The following FOXP2 variants were observed in gnomAD, a reference collection of about 807,000 sequenced individuals.
FOXP2 encodes the protein forkhead box protein P2.
FOXP2 carries 12 observed loss-of-function variants against 115.8 expected under a neutral mutation model. That is an observed-to-expected ratio of 0.10 (90% confidence interval 0.07 to 0.17). FOXP2 has a LOEUF of 0.17. Ranked by LOEUF, FOXP2 falls within the 10% of genes least tolerant of loss-of-function variation. The probability of loss-of-function intolerance (pLI) is 1.00; values close to 1 mark genes in which losing one functional copy is unlikely to be tolerated. For synonymous variants in FOXP2, 328 were observed against 297.7 expected (o/e 1.10, Z -1.05); for missense variants, 629 against 843.5 (o/e 0.75, Z 3.15).
At chr7:114,454,298 G>T (rs1795195833) in intron 2 of FOXP2, among the ~76,000 whole-genome samples, 2 of 152,134 alleles carry the variant, frequency 1.3e-5, no homozygotes, top group African/African-American at 4.8e-5. Context: ...TCAGAGAAAT[G>T]CAAATCAAAA....
At chr7:114,100,696 C>A (rs890099229) in intron 1 of FOXP2, among the ~76,000 whole-genome samples, 9 of 152,042 alleles carry the variant, frequency 5.9e-5, no homozygotes, top group African/African-American at 1.4e-4. Flanking sequence ...AAGAATAGAG[C>A]CTTTTTCATT....
intron 2 of FOXP2, among the ~76,000 whole-genome samples, chr7:114,383,894 G>A (rs1433276981): frequency 6.6e-6 from 1 of 152,178 alleles, no homozygotes; most frequent in Non-Finnish European, 1.5e-5. Flanking sequence ...TTTCCAGGGT[G>A]CGTAACCACC....
At chr7:114,582,812 C>CT (rs1563014683) in intron 3 of FOXP2, among the ~76,000 whole-genome samples, 1 of 152,070 alleles carries the variant, frequency 6.6e-6, no homozygotes, top group African/African-American at 2.4e-5. Context: ...ATGATAGTTT[C>CT]TTTTTTACTG....
chr7:114,111,133 C>A (rs1373718784), intron 1 of FOXP2, among the ~76,000 whole-genome samples: 2 of 152,108 alleles, frequency 1.3e-5, no homozygotes, highest in African/African-American at 4.8e-5. Flanking sequence ...ATCAATCACA[C>A]CTCCCAGTAT....
chr7:114,511,925 A>G (rs183452519), intron 2 of FOXP2, among the ~76,000 whole-genome samples: 68 of 152,284 alleles, frequency 4.5e-4, no homozygotes, highest in Middle Eastern at 3.4e-3. Context: ...GGCTTAAAAT[A>G]CTAGTTTCTA....
intron 1 of FOXP2, among the ~76,000 whole-genome samples, chr7:114,245,819 CAG>C (rs1795268605): frequency 6.6e-6 from 1 of 151,536 alleles, no homozygotes; most frequent in South Asian, 2.1e-4. Flanking sequence ...TTAAAAAGAA[CAG>C]AAAAAAATTT....
At chr7:114,333,898 A>T (rs1198993275) in intron 2 of FOXP2, among the ~76,000 whole-genome samples, 1 of 152,032 alleles carries the variant, frequency 6.6e-6, no homozygotes, top group South Asian at 2.1e-4. Context: ...AATTAAAAAA[A>T]AAAAAAAGCT....
intron 13 of FOXP2, among the ~76,000 whole-genome samples, 182 bp downstream of exon 13, chr7:114,659,855 A>G (rs569524677): frequency 3.1e-4 from 47 of 152,294 alleles, no homozygotes; most frequent in Admixed American, 4.6e-4. Flanking sequence ...TGCCTCTGAT[A>G]TAGTTTTCTA....
intron 1 of FOXP2, among the ~76,000 whole-genome samples, chr7:114,235,669 A>G (rs1412435858): frequency 6.6e-5 from 10 of 152,156 alleles, no homozygotes; most frequent in Non-Finnish European, 1.5e-4. Context: ...ACTGTTCTCA[A>G]TCATGAACAC....
At chr7:114,315,021 T>A (rs1309559867) in intron 2 of FOXP2, among the ~76,000 whole-genome samples, 1 of 152,190 alleles carries the variant, frequency 6.6e-6, no homozygotes, top group Non-Finnish European at 1.5e-5. Context: ...TTCTAACATT[T>A]GCCACAAAAA....
At chr7:114,287,616 T>C (rs1030870552) in intron 1 of FOXP2, among the ~76,000 whole-genome samples, 4 of 151,992 alleles carry the variant, frequency 2.6e-5, no homozygotes, top group African/African-American at 9.7e-5. Flanking sequence ...GCTCATTAAG[T>C]ATGTGTTGAA....
intron 2 of FOXP2, among the ~76,000 whole-genome samples, chr7:114,527,329 G>A (rs1429463533): frequency 1.3e-5 from 2 of 151,932 alleles, no homozygotes; most frequent in Admixed American, 6.6e-5. Context: ...TACCTTGGGT[G>A]GAATTAATGG....
intron 13 of FOXP2, among the ~76,000 whole-genome samples, chr7:114,661,052 C>CTTTT (rs3028481): frequency 7.0e-6 from 1 of 142,440 alleles, no homozygotes; most frequent in East Asian, 2.0e-4. Context: ...TCTGCTTATG[C>CTTTT]TTTTTTTTTT....
chr7:114,545,374 G>A (rs1799864426), intron 3 of FOXP2, among the ~76,000 whole-genome samples: 1 of 152,134 alleles, frequency 6.6e-6, no homozygotes, highest in Non-Finnish European at 1.5e-5. Context: ...GGTTTCTTGA[G>A]ATGTCTCTCT....
chr7:114,505,769 TAC>T (rs1797785925), intron 2 of FOXP2, among the ~76,000 whole-genome samples: 1 of 151,558 alleles, frequency 6.6e-6, no homozygotes, highest in Non-Finnish European at 1.5e-5. Flanking sequence ...AGTCTACAGT[TAC>T]ACCTCTCTTT....
intron 1 of FOXP2, among the ~76,000 whole-genome samples, chr7:114,116,227 C>G (rs1266535146): frequency 6.6e-6 from 1 of 152,108 alleles, no homozygotes; most frequent in Non-Finnish European, 1.5e-5. Context: ...TCAGCTCTAT[C>G]CCCTAGTAAG....
At chr7:114,455,461 G>A (rs543948006) in intron 2 of FOXP2, among the ~76,000 whole-genome samples, 1 of 152,252 alleles carries the variant, frequency 6.6e-6, no homozygotes. Flanking sequence ...GGTGAAGTGT[G>A]TTGTACATAT....
At chr7:114,406,091 A>G (rs1428212820) in intron 2 of FOXP2, among the ~76,000 whole-genome samples, 2 of 107,206 alleles carry the variant, frequency 1.9e-5, no homozygotes, top group African/African-American at 3.0e-5. Flanking sequence ...TATGATTTGT[A>G]TATGCAACAA....
At chr7:114,492,934 G>C (rs916192406) in intron 2 of FOXP2, among the ~76,000 whole-genome samples, 2 of 152,160 alleles carry the variant, frequency 1.3e-5, no homozygotes, top group African/African-American at 4.8e-5. Flanking sequence ...AAGTCCGCTT[G>C]GTGCAGAGCT....
Sources: allele counts gnomAD v4.1 joint callset (sites outside exome capture counted in the v4.1 genomes callset), GRCh38; gene constraint gnomAD v4.1.1; transcripts MANE v1.5; gene names NCBI Gene and HGNC (gene_info 2026-07-23, HGNC 2026-07-21).